The following PTPRD variants were observed in gnomAD, a reference collection of about 807,000 sequenced individuals.
PTPRD encodes the protein protein tyrosine phosphatase receptor type D.
Under a neutral mutation model 214.5 loss-of-function variants are expected in PTPRD, and 34 were observed. The ratio of observed to expected loss-of-function variants is 0.16; its 90% CI spans 0.12 to 0.21. The LOEUF (loss-of-function observed/expected upper bound fraction) is 0.21, where lower values mean the gene tolerates loss of function less well. PTPRD is among the 10% of genes least tolerant of loss of function. The pLI is 1.00. For missense variants in PTPRD, 2,545 were observed against 2,398.7 expected (o/e 1.06, Z -1.27); for synonymous variants, 1,128 against 845.7 (o/e 1.33, Z -5.79).
At chr9:9,087,996 C>T (rs2099769836) in intron 10 of PTPRD, among the ~76,000 whole-genome samples, 2 of 144,584 alleles carry the variant, frequency 1.4e-5, no homozygotes, top group Non-Finnish European at 3.0e-5. Flanking sequence ...ATTCTCTTGC[C>T]CCAGCCTCCT....
intron 39 of PTPRD, among the ~76,000 whole-genome samples, chr9:8,357,926 G>A (rs770687122): frequency 1.3e-5 from 2 of 152,120 alleles, no homozygotes; most frequent in Non-Finnish European, 2.9e-5. Context: ...CCTACTCCCA[G>A]TCCCTCCCTT....
At chr9:8,598,118 T>C (rs749361021) in intron 14 of PTPRD, among the ~76,000 whole-genome samples, 27 of 152,136 alleles carry the variant, frequency 1.8e-4, no homozygotes, top group Non-Finnish European at 3.5e-4. Flanking sequence ...GTTTACAGTA[T>C]TTATCTGAGT....
rs1248226552 is a variant in PTPRD at position 10,554,663 on chromosome 9, T to TTTTTGTTTTTTTC, written c.-600+57734_-600+57735insGAAAAAAACAAAA. Among the ~76,000 whole-genome samples, 4 of 151,932 alleles carry TTTTTGTTTTTTTC rather than the reference T, an allele frequency of 2.6e-5. No homozygotes were observed. The East Asian group carries it at 5.8e-4, about 22-fold the overall frequency. The stretch of plus-strand genomic sequence containing the variant: ...ATACATTTCTTTTTTTAATTTTTTT[T>TTTTTGTTTTTTTC]GTTTTTGTTTTTTTCAAGATGGAGT... On this transcript the variant is annotated intron_variant, in intron 2 of 45. Transcript: ENST00000381196.
intron 39 of PTPRD, among the ~76,000 whole-genome samples, chr9:8,372,397 A>T (rs977518430): frequency 6.6e-6 from 1 of 152,028 alleles, no homozygotes; most frequent in South Asian, 2.1e-4. Context: ...AGTGCTTTAT[A>T]TGTATCTATT....
At chr9:9,946,212 G>A (rs1174202833) in intron 4 of PTPRD, among the ~76,000 whole-genome samples, 2 of 152,076 alleles carry the variant, frequency 1.3e-5, no homozygotes, top group Admixed American at 6.6e-5. Flanking sequence ...TTAAACACAA[G>A]CAATTATACA....
chr9:9,150,864 A>C (rs557271747), intron 10 of PTPRD, among the ~76,000 whole-genome samples: 1 of 152,328 alleles, frequency 6.6e-6, no homozygotes, highest in Admixed American at 6.5e-5. Flanking sequence ...AAAACAAGTA[A>C]GTTCAGTTAA....
chr9:9,460,802 C>T (rs1280258057), intron 8 of PTPRD, among the ~76,000 whole-genome samples: 2 of 152,008 alleles, frequency 1.3e-5, no homozygotes, highest in Middle Eastern at 3.2e-3. Flanking sequence ...TACTATTCAT[C>T]CTAGCAACCT....
intron 11 of PTPRD, among the ~76,000 whole-genome samples, chr9:8,795,734 C>G (rs187481236): frequency 1.3e-5 from 2 of 152,194 alleles, no homozygotes; most frequent in African/African-American, 4.8e-5. Flanking sequence ...ATTACAAAGT[C>G]TTATTTATGA....
intron 14 of PTPRD, among the ~76,000 whole-genome samples, chr9:8,593,395 G>C (rs182768653): frequency 1.3e-5 from 2 of 152,224 alleles, no homozygotes; most frequent in East Asian, 3.9e-4. Context: ...CCTGGTGAAA[G>C]GTCACACTTG....
chr9:9,753,458 G>C (rs1004272721), intron 6 of PTPRD, among the ~76,000 whole-genome samples: 2 of 152,050 alleles, frequency 1.3e-5, no homozygotes, highest in Non-Finnish European at 2.9e-5. Flanking sequence ...TCAGGCTAAA[G>C]CACGCAAGGC....
intron 2 of PTPRD, among the ~76,000 whole-genome samples, chr9:10,342,772 T>G (rs60384123): frequency 0.023 from 3,487 of 152,190 alleles, 156 homozygotes; most frequent in African/African-American, 0.08. Flanking sequence ...AGCAATCCCT[T>G]GGACTGTAAA....
intron 5 of PTPRD, among the ~76,000 whole-genome samples, chr9:9,865,989 C>T (rs1234069524): frequency 6.6e-6 from 1 of 152,176 alleles, no homozygotes; most frequent in African/African-American, 2.4e-5. Flanking sequence ...AGACACTGCT[C>T]CCTTCTAATC....
chr9:9,499,213 T>A (rs756063146), intron 8 of PTPRD, among the ~76,000 whole-genome samples: 1 of 152,144 alleles, frequency 6.6e-6, no homozygotes, highest in African/African-American at 2.4e-5. Flanking sequence ...GATAAAAACA[T>A]TGTGATGTTA....
chr9:8,837,088 C>T (rs915263333), intron 11 of PTPRD, among the ~76,000 whole-genome samples: 3 of 143,860 alleles, frequency 2.1e-5, no homozygotes, highest in South Asian at 4.4e-4. Flanking sequence ...TGCAGTGGTA[C>T]GATCTCCGCT....
At chr9:9,074,376 T>G (rs2099747980) in intron 10 of PTPRD, among the ~76,000 whole-genome samples, 1 of 152,116 alleles carries the variant, frequency 6.6e-6, no homozygotes, top group African/African-American at 2.4e-5. Context: ...TTAGGATTGA[T>G]TCACATATAC....
intron 5 of PTPRD, among the ~76,000 whole-genome samples, chr9:9,895,263 A>T (rs1172385447): frequency 6.6e-6 from 1 of 151,452 alleles, no homozygotes; most frequent in African/African-American, 2.4e-5. Flanking sequence ...AAGAGAAAAA[A>T]GGAACAGAAA....
chr9:8,846,374 G>A (rs2097696496), intron 11 of PTPRD, among the ~76,000 whole-genome samples: 1 of 152,154 alleles, frequency 6.6e-6, no homozygotes, highest in African/African-American at 2.4e-5. Context: ...TGTAGTAGGA[G>A]CTGGAGATGT....
At chr9:9,710,961 C>G (rs929086004) in intron 7 of PTPRD, among the ~76,000 whole-genome samples, 1 of 151,840 alleles carries the variant, frequency 6.6e-6, no homozygotes, top group Middle Eastern at 3.4e-3. Context: ...TGAGAGCGAG[C>G]GAGCGAGAGA....
chr9:8,617,099 G>T (rs1233583154), intron 14 of PTPRD, among the ~76,000 whole-genome samples: 2 of 151,990 alleles, frequency 1.3e-5, no homozygotes, highest in Non-Finnish European at 2.9e-5. Flanking sequence ...TCTTCTATAA[G>T]AGATAAAAAT....
Sources: gnomAD v4.1 joint callset for allele counts (sites outside exome capture counted in the v4.1 genomes callset) on GRCh38, gnomAD v4.1.1 for gene constraint, MANE v1.5 for transcripts, NCBI Gene and HGNC (gene_info 2026-07-23, HGNC 2026-07-21) for gene names.